CDH13: variants seen among roughly 807,000 people sequenced by gnomAD.
CDH13 encodes the protein cadherin-13.
A neutral mutation model predicts 63.8 loss-of-function variants in CDH13; 24 were observed. The observed-to-expected ratio is 0.38, with a 90% CI of 0.27 to 0.53. The LOEUF is 0.53. Among genes scored for constraint, CDH13 ranks in the 20% least tolerant of loss-of-function variants. The probability of loss-of-function intolerance (pLI) is 0.85; values close to 1 mark genes in which losing one functional copy is unlikely to be tolerated. For synonymous variants in CDH13, 503 were observed against 355.3 expected, an observed-to-expected ratio of 1.42 and a Z score of -4.67; for missense variants, 1,049 against 903.1, an observed-to-expected ratio of 1.16 and a Z score of -2.07.
At chr16:83,132,749 C>A (rs77969593) in intron 4 of CDH13, among the ~76,000 whole-genome samples, 18,529 of 152,102 alleles carry the variant, frequency 0.12, 1,433 homozygotes, top group Middle Eastern at 0.25. Flanking sequence ...AGGCAACTAG[C>A]AGTTTTATTC....
chr16:83,594,890 T>C (rs980231636), intron 7 of CDH13, among the ~76,000 whole-genome samples: 3 of 152,248 alleles, frequency 2.0e-5, no homozygotes, highest in African/African-American at 7.2e-5. Context: ...ATGAGATGTT[T>C]GCTTTTCAAA....
chr16:83,514,722 G>A (rs899961705), intron 7 of CDH13, among the ~76,000 whole-genome samples: 4 of 152,166 alleles, frequency 2.6e-5, no homozygotes, highest in Admixed American at 2.6e-4. Context: ...AAAGTTGGAG[G>A]CAGAGAGTGG....
chr16:83,469,192 CAG>C (rs1232324485), intron 6 of CDH13, among the ~76,000 whole-genome samples: 1 of 152,134 alleles, frequency 6.6e-6, no homozygotes, highest in African/African-American at 2.4e-5. Context: ...CTTTTCAACT[CAG>C]TGTTTTTTCA....
chr16:82,857,493 T>C (rs943045231), intron 1 of CDH13, among the ~76,000 whole-genome samples: 2 of 152,160 alleles, frequency 1.3e-5, no homozygotes, highest in African/African-American at 2.4e-5. Flanking sequence ...CATTTCTTAT[T>C]TCACTAAGTC....
At chr16:83,181,744 G>A (rs2038353917) in intron 4 of CDH13, among the ~76,000 whole-genome samples, 2 of 152,132 alleles carry the variant, frequency 1.3e-5, no homozygotes, top group Admixed American at 1.3e-4. Context: ...ACTTGAGGGA[G>A]TCTCTGAATG....
intron 6 of CDH13, among the ~76,000 whole-genome samples, chr16:83,440,612 G>A (rs140701048): frequency 0.022 from 3,310 of 151,914 alleles, 42 homozygotes; most frequent in East Asian, 0.031. Flanking sequence ...TGGTGAAACC[G>A]TATCTCTACT....
At chr16:83,729,510 T>C (rs1465384263) in intron 10 of CDH13, among the ~76,000 whole-genome samples, 1 of 152,194 alleles carries the variant, frequency 6.6e-6, no homozygotes, top group Non-Finnish European at 1.5e-5. Flanking sequence ...CCACTACTCC[T>C]AAGACCCAGG....
At chr16:82,735,869 G>A (rs1335319799) in intron 1 of CDH13, among the ~76,000 whole-genome samples, 1 of 152,130 alleles carries the variant, frequency 6.6e-6, no homozygotes, top group Non-Finnish European at 1.5e-5. Context: ...GAATCTAATG[G>A]GCTTTGCTTA....
At chr16:82,691,125 A>C (rs1008953859) in intron 1 of CDH13, among the ~76,000 whole-genome samples, 2 of 152,184 alleles carry the variant, frequency 1.3e-5, no homozygotes, top group Non-Finnish European at 2.9e-5. Flanking sequence ...GGACTCAGAG[A>C]TATAACAATC....
chr16:83,471,367 C>T (rs1018465887), intron 6 of CDH13, among the ~76,000 whole-genome samples: 7 of 150,906 alleles, frequency 4.6e-5, no homozygotes, highest in South Asian at 4.2e-4. Context: ...CTCCACCCTC[C>T]GGGTTCAAAT....
In CDH13 at chr16:83,173,383, T is replaced by C. The variant is rs78625566; in HGVS notation, c.484-43962T>C. On this transcript the variant is annotated intron_variant, in intron 4 of 13. Coordinates refer to ENST00000567109, the MANE Select transcript of CDH13 (RefSeq NM_001257.5). ...TTGTCAGAGCTTTTAAATATGCTATTATCTTAGGGAATCTCTGAGAGTGTG... is the reference window on the plus strand; with the variant it reads ...TTGTCAGAGCTTTTAAATATGCTATCATCTTAGGGAATCTCTGAGAGTGTG... Among the ~76,000 whole-genome samples, 1,262 of 152,238 alleles carry C rather than the reference T, an allele frequency of 8.3e-3. 25 individuals are homozygous for C. The highest frequency in any genetic ancestry group is 0.029 in the African/African-American group (1,218 of 41,572).
chr16:83,656,455 A>G (rs1912878402), intron 8 of CDH13, among the ~76,000 whole-genome samples: 1 of 152,172 alleles, frequency 6.6e-6, no homozygotes, highest in African/African-American at 2.4e-5. Context: ...GATACAGGGC[A>G]GAGTCCAGGG....
intron 1 of CDH13, among the ~76,000 whole-genome samples, chr16:82,680,452 C>T (rs1488590669): frequency 2.0e-5 from 3 of 151,482 alleles, no homozygotes; most frequent in African/African-American, 7.3e-5. Flanking sequence ...ATTCTTGTAG[C>T]AATTGCTGTG....
At chr16:83,337,082 C>A (rs1319186227) in intron 5 of CDH13, among the ~76,000 whole-genome samples, 1 of 152,124 alleles carries the variant, frequency 6.6e-6, no homozygotes, top group African/African-American at 2.4e-5. Flanking sequence ...TAATTTGGTT[C>A]ATTATGTTCT....
At chr16:82,758,575 T>C (rs772819783) in intron 1 of CDH13, among the ~76,000 whole-genome samples, 12 of 152,108 alleles carry the variant, frequency 7.9e-5, no homozygotes, top group Non-Finnish European at 1.5e-4. Flanking sequence ...TGCTCTTAGG[T>C]CACATGTTCC....
chr16:83,265,398 C>G (rs1249312346), intron 5 of CDH13, among the ~76,000 whole-genome samples: 3 of 152,148 alleles, frequency 2.0e-5, no homozygotes, highest in African/African-American at 7.2e-5. Context: ...ATATAGAACT[C>G]TAAGTTGAAT....
chr16:82,837,126 T>G (rs1201385154), intron 1 of CDH13, among the ~76,000 whole-genome samples: 1 of 152,198 alleles, frequency 6.6e-6, no homozygotes, highest in Non-Finnish European at 1.5e-5. Context: ...TCAGGCAGTT[T>G]GGGCACTGTG....
Position 83,125,550 on chromosome 16 carries a change from T to A in CDH13, c.483+49T>A, listed in dbSNP as rs79739619. On this transcript the variant is annotated intron_variant, in intron 4 of 13. Coordinates refer to ENST00000567109, the MANE Select transcript of CDH13 (RefSeq NM_001257.5). ...ACAAAAACATGTTTTTATGAAAAGA[T>A]GAGCACAGCAGACTGAGTATGACTG... The A allele has an allele frequency of 4.1e-5, 41 of 992,716 alleles. 1 individual carries two copies. Among genetic ancestry groups the A allele is most frequent in the African/African-American group, 3.6e-4 (23 of 63,198 alleles). The allele number at this position is 992,716 out of a possible 1,614,324, so 61.5% of individuals were successfully genotyped here. A position where few individuals can be genotyped will look rare whatever the true frequency, so the allele number is the denominator to read the frequency against.
intron 6 of CDH13, among the ~76,000 whole-genome samples, chr16:83,368,905 T>C (rs2091307466): frequency 1.5e-5 from 1 of 66,578 alleles, no homozygotes; most frequent in African/African-American, 1.2e-4. Flanking sequence ...TATATATATA[T>C]ATATATATAT....
Sources: allele counts gnomAD v4.1 joint callset (sites outside exome capture counted in the v4.1 genomes callset), GRCh38; gene constraint gnomAD v4.1.1; transcripts MANE v1.5; gene names NCBI Gene and HGNC (gene_info 2026-07-23, HGNC 2026-07-21).